Variants in CADPS observed in about 807,000 individuals in gnomAD.
CADPS encodes the protein calcium-dependent secretion activator 1.
In CADPS, 57 loss-of-function variants were observed where a neutral mutation model predicts 167.3. That is an observed-to-expected ratio of 0.34 (90% CI 0.28 to 0.42). CADPS has a LOEUF of 0.42. Among genes scored for constraint, CADPS ranks in the 20% least tolerant of loss-of-function variants. The pLI is 1.00. For missense variants in CADPS, 1,414 were observed against 1,738.1 expected (o/e 0.81, Z 3.32); for synonymous variants, 676 against 635.3 (o/e 1.06, Z -0.96).
At chr3:62,516,310 A>T in intron 15 of CADPS, 128 bp from the exon 16 acceptor site, 2 of 1,238,252 alleles carry the variant, frequency 1.6e-6, no homozygotes, top group Admixed American at 4.4e-5. Flanking sequence ...GCCATGCTTA[A>T]AGAGAAAGCA....
intron 1 of CADPS, among the ~76,000 whole-genome samples, chr3:62,832,339 G>A (rs1036146178): frequency 6.6e-6 from 1 of 152,210 alleles, no homozygotes. Context: ...GGATAAAGTG[G>A]CATTATGATC....
At chr3:62,853,949 C>G (rs929539798) in intron 1 of CADPS, among the ~76,000 whole-genome samples, 2 of 152,010 alleles carry the variant, frequency 1.3e-5, no homozygotes, top group African/African-American at 4.8e-5. Context: ...GACAGTAAGC[C>G]TGTCACATTA....
At position 62,875,150 on chromosome 3, in the gene CADPS, G is replaced by C; in HGVS notation, c.-121C>G. 1 of 1,250,292 alleles carries C rather than the reference G, an allele frequency of 8.0e-7. No individual in the cohort carries two copies. The highest frequency in any genetic ancestry group is 1.0e-6 in the Non-Finnish European group (1 of 977,736). 77.4% of individuals were successfully genotyped at this position (1,250,292 alleles called of 1,614,324 possible). A position where few individuals can be genotyped will look rare whatever the true frequency, so the allele number is the denominator to read the frequency against. ...GGCGCTTCTCCCCAGGTCAGGGAGCGAGAGCGCTGCTGCTCAGCCTCGGCC... is the reference window on the plus strand; with the variant it reads ...GGCGCTTCTCCCCAGGTCAGGGAGCCAGAGCGCTGCTGCTCAGCCTCGGCC... On this transcript the variant is annotated 5_prime_UTR_variant, in exon 1 of 30. Transcript: ENST00000383710.
chr3:62,538,877 T>C (rs1168558054), intron 11 of CADPS, among the ~76,000 whole-genome samples: 1 of 152,180 alleles, frequency 6.6e-6, no homozygotes, highest in African/African-American at 2.4e-5. Flanking sequence ...GGCTCCTTTA[T>C]GGAGACCTGG....
intron 8 of CADPS, 123 bp downstream of exon 8, chr3:62,585,062 A>C: frequency 1.1e-6 from 1 of 908,006 alleles, no homozygotes; most frequent in East Asian, 2.6e-5. Flanking sequence ...CGAATATTTT[A>C]ATATGAATTC....
intron 12 of CADPS, chr3:62,536,146 A>G: frequency 3.7e-6 from 1 of 268,720 alleles, no homozygotes. Context: ...CAAGTTCTCC[A>G]CAAGCAGGTG....
chr3:62,794,535 T>C (rs553100886), intron 1 of CADPS, among the ~76,000 whole-genome samples: 2 of 152,284 alleles, frequency 1.3e-5, no homozygotes, highest in East Asian at 3.9e-4. Flanking sequence ...AGCCCACATG[T>C]AAACCATTCT....
At chr3:62,773,062 A>C (rs945853590) in intron 1 of CADPS, among the ~76,000 whole-genome samples, 2 of 123,562 alleles carry the variant, frequency 1.6e-5, no homozygotes, top group Non-Finnish European at 3.7e-5. Flanking sequence ...CTGGAAAAAA[A>C]GTCAACTCAA....
At chr3:62,525,693 G>A (rs1182683567) in intron 13 of CADPS, among the ~76,000 whole-genome samples, 1 of 151,894 alleles carries the variant, frequency 6.6e-6, no homozygotes, top group Non-Finnish European at 1.5e-5. Context: ...GTGTGTGTGT[G>A]TGTGTGTGTG....
In CADPS at chr3:62,776,050, A is replaced by G. The variant is rs114166266; in HGVS notation, c.442-10066T>C. Reference sequence around the variant, plus strand: ...TGATAATGTTAACATAGTGAGAAAAAAGCATATAATGTCTTGGCATTACTA... The same window carrying G: ...TGATAATGTTAACATAGTGAGAAAAGAGCATATAATGTCTTGGCATTACTA... On this transcript the variant is annotated intron_variant, in intron 1 of 29. Transcript: ENST00000383710. Among the ~76,000 whole-genome samples, 426 of 152,250 alleles carry G rather than the reference A, an allele frequency of 2.8e-3. 3 individuals carry two copies. Among genetic ancestry groups the G allele is most frequent in the African/African-American group, 1.0e-2 (414 of 41,550 alleles).
chr3:62,786,550 T>G (rs1576396180), intron 1 of CADPS, among the ~76,000 whole-genome samples: 1 of 151,900 alleles, frequency 6.6e-6, no homozygotes, highest in Non-Finnish European at 1.5e-5. Flanking sequence ...GAGGCTAAAG[T>G]AGGATAAGAG....
intron 1 of CADPS, among the ~76,000 whole-genome samples, chr3:62,770,337 T>C (rs1182596826): frequency 1.3e-5 from 2 of 152,226 alleles, no homozygotes; most frequent in Non-Finnish European, 2.9e-5. Flanking sequence ...AGTTAGCCCT[T>C]ATCTTCTCTA....
chr3:62,425,333 G>A (rs976259059), intron 28 of CADPS, among the ~76,000 whole-genome samples: 3 of 152,018 alleles, frequency 2.0e-5, no homozygotes, highest in African/African-American at 4.8e-5. Flanking sequence ...GCACCCTCCC[G>A]CCACCAATCA....
intron 14 of CADPS, 48 bp downstream of exon 14, chr3:62,518,101 T>C (rs1176019324): frequency 7.6e-7 from 1 of 1,309,944 alleles, no homozygotes; most frequent in East Asian, 2.3e-5. Flanking sequence ...TAGTTTTCCC[T>C]TCCCACTCTC....
intron 28 of CADPS, chr3:62,404,390 C>A (rs907836045): frequency 6.6e-6 from 1 of 152,580 alleles, no homozygotes; most frequent in East Asian, 1.9e-4. Context: ...CCCTTTCTCA[C>A]CTAAAGATCA....
At chr3:62,821,790 T>C (rs2094933088) in intron 1 of CADPS, among the ~76,000 whole-genome samples, 1 of 152,202 alleles carries the variant, frequency 6.6e-6, no homozygotes, top group South Asian at 2.1e-4. Context: ...CAATTTTTGC[T>C]GGACACAATT....
At position 62,491,547 on chromosome 3, in the gene CADPS, A is replaced by T. The variant is rs1170969841; in HGVS notation, c.2885-67T>A. The T allele has an allele frequency of 6.4e-5, 72 of 1,132,246 alleles. No homozygotes were observed. The African/African-American group carries it at 1.2e-3, about 18-fold the overall frequency. The allele number at this position is 1,132,246 out of a possible 1,614,324, so 70.1% of individuals were successfully genotyped here. A position where few individuals can be genotyped will look rare whatever the true frequency, so the allele number is the denominator to read the frequency against. On this transcript the variant is annotated intron_variant, in intron 20 of 29. Coordinates refer to ENST00000383710, the MANE Select transcript of CADPS (RefSeq NM_003716.4). ...CTTTATCAACGTACAACACACACAC[A>T]CACACACACAAACACACACACACAC... is the stretch of plus-strand genomic sequence containing the variant.
intron 5 of CADPS, among the ~76,000 whole-genome samples, chr3:62,646,867 A>C (rs1397516166): frequency 1.3e-5 from 2 of 152,174 alleles, no homozygotes; most frequent in East Asian, 1.9e-4. Flanking sequence ...GTACAGGCCA[A>C]TATTATTGAG....
chr3:62,705,722 C>T (rs1055564257), intron 3 of CADPS, among the ~76,000 whole-genome samples: 1 of 152,138 alleles, frequency 6.6e-6, no homozygotes, highest in African/African-American at 2.4e-5. Context: ...TGGCTTCCTT[C>T]TTCCTCAGCT....
Sources: allele counts gnomAD v4.1 joint callset (sites outside exome capture counted in the v4.1 genomes callset), GRCh38; gene constraint gnomAD v4.1.1; transcripts MANE v1.5; gene names NCBI Gene and HGNC (gene_info 2026-07-23, HGNC 2026-07-21).